MTFR1: variants seen among roughly 807,000 people sequenced by gnomAD.
MTFR1 encodes chondrocyte protein with a poly-proline region.
Under a neutral mutation model 38.8 loss-of-function variants are expected in MTFR1, and 28 were observed. The observed-to-expected ratio is 0.72, with a 90% CI of 0.53 to 0.99. The LOEUF is 0.99. Ranked by LOEUF, MTFR1 falls within the 50% of genes least tolerant of loss-of-function variation. MTFR1 has a pLI of 0.00. For synonymous variants in MTFR1, 145 were observed against 137.0 expected, an observed-to-expected ratio of 1.06 and a Z score of -0.41; for missense variants, 358 against 395.5, an observed-to-expected ratio of 0.91 and a Z score of 0.81.
intron 1 of MTFR1, among the ~76,000 whole-genome samples, chr8:65,662,124 T>C (rs1409596534): frequency 6.9e-6 from 1 of 144,680 alleles, no homozygotes; most frequent in Non-Finnish European, 1.5e-5. Flanking sequence ...TCCCTCTCTT[T>C]CCACGGTCTC....
At chr8:65,675,984 A>G (rs1410366337) in intron 2 of MTFR1, among the ~76,000 whole-genome samples, 1 of 152,256 alleles carries the variant, frequency 6.6e-6, no homozygotes, top group Non-Finnish European at 1.5e-5. Flanking sequence ...AAAAGTTACT[A>G]TAGCAAGTAT....
intron 1 of MTFR1, among the ~76,000 whole-genome samples, chr8:65,649,795 C>A (rs1010567508): frequency 1.6e-4 from 25 of 151,758 alleles, no homozygotes; most frequent in African/African-American, 5.3e-4. Context: ...TCCCCCCACC[C>A]CCCCACACTG....
chr8:65,772,729 T>C (rs1168280686), downstream of MTFR1, among the ~76,000 whole-genome samples: 2 of 152,088 alleles, frequency 1.3e-5, no homozygotes, highest in Non-Finnish European at 2.9e-5. Context: ...ACTGGCCAGG[T>C]GCGGTGGTTC....
intron 3 of MTFR1, chr8:65,747,786 C>A (rs2128906873): frequency 6.2e-7 from 1 of 1,605,688 alleles, no homozygotes; most frequent in South Asian, 1.1e-5. Context: ...GAGACAGACA[C>A]TTCAATTTCA....
chr8:65,740,568 T>C (rs924690952), intron 3 of MTFR1, among the ~76,000 whole-genome samples: 4 of 152,014 alleles, frequency 2.6e-5, no homozygotes. Context: ...GCCCGGCTAA[T>C]TTTTTGTATT....
intron 1 of MTFR1, among the ~76,000 whole-genome samples, chr8:65,656,095 C>T (rs141199429): frequency 0.19 from 28,800 of 148,616 alleles, 2,939 homozygotes; most frequent in Middle Eastern, 0.23. Context: ...ACTCAGGAGG[C>T]TGAGGCAGGA....
downstream of MTFR1, chr8:65,710,635 TTTTC>T (rs1805917750): frequency 6.6e-6 from 1 of 152,214 alleles, no homozygotes; most frequent in South Asian, 2.1e-4. Flanking sequence ...TTTAGAATAA[TTTTC>T]TTTCTGCATT....
intron 3 of MTFR1, among the ~76,000 whole-genome samples, chr8:65,756,320 T>C (rs989908413): frequency 6.6e-6 from 1 of 152,232 alleles, no homozygotes; most frequent in Admixed American, 6.5e-5. Flanking sequence ...TTTGGGAAGT[T>C]TATTTTTTCA....
intron 1 of MTFR1, among the ~76,000 whole-genome samples, chr8:65,665,316 C>T (rs1403930728): frequency 1.3e-5 from 2 of 152,140 alleles, no homozygotes; most frequent in Non-Finnish European, 2.9e-5. Flanking sequence ...GCTTTGACAT[C>T]ATTTTTGGTT....
intron 1 of MTFR1, among the ~76,000 whole-genome samples, chr8:65,655,605 T>G (rs1258551864): frequency 6.6e-6 from 1 of 152,032 alleles, no homozygotes. Context: ...TGGACTGATG[T>G]GAAGGATAGC....
At chr8:65,771,681 C>T (rs1171948743), downstream of MTFR1, among the ~76,000 whole-genome samples, 1 of 151,860 alleles carries the variant, frequency 6.6e-6, no homozygotes, top group Non-Finnish European at 1.5e-5. Context: ...TCGAGACCAG[C>T]CTGGCCAACA....
At chr8:65,660,018 C>G (rs764366957) in intron 1 of MTFR1, among the ~76,000 whole-genome samples, 2 of 152,040 alleles carry the variant, frequency 1.3e-5, no homozygotes, top group African/African-American at 4.8e-5. Context: ...GGCCGGGCAT[C>G]GTGGCTCACG....
intron 1 of MTFR1, among the ~76,000 whole-genome samples, chr8:65,664,127 T>A (rs1804301925): frequency 6.6e-6 from 1 of 152,180 alleles, no homozygotes; most frequent in African/African-American, 2.4e-5. Flanking sequence ...TGTTAGGCAG[T>A]TTCTATTAAA....
At chr8:65,748,790 T>C (rs558912459) in intron 3 of MTFR1, among the ~76,000 whole-genome samples, 1 of 152,218 alleles carries the variant, frequency 6.6e-6, no homozygotes, top group South Asian at 2.1e-4. Context: ...ATTTAAGGGG[T>C]GCTGGATTAA....
chr8:65,693,530 AC>A, intron 3 of MTFR1, 113 bp from the exon 4 acceptor site: 1 of 723,302 alleles, frequency 1.4e-6, no homozygotes, highest in South Asian at 1.7e-5. Context: ...AGAGTTAGAA[AC>A]CACTCATGTG....
intron 3 of MTFR1, among the ~76,000 whole-genome samples, chr8:65,763,694 C>T (rs1383174205): frequency 6.6e-6 from 1 of 152,180 alleles, no homozygotes; most frequent in East Asian, 1.9e-4. Flanking sequence ...CATAGCTCCT[C>T]AGTCATTAAA....
At chr8:65,772,773 G>A (rs1311270356), downstream of MTFR1, among the ~76,000 whole-genome samples, 2 of 152,166 alleles carry the variant, frequency 1.3e-5, no homozygotes, top group Non-Finnish European at 2.9e-5. Flanking sequence ...GGAGGCCAAG[G>A]CAGGCAGATC....
intron 1 of MTFR1, among the ~76,000 whole-genome samples, chr8:65,669,226 G>A (rs1048299952): frequency 6.6e-6 from 1 of 152,126 alleles, no homozygotes; most frequent in African/African-American, 2.4e-5. Flanking sequence ...TTTGGAGTTG[G>A]GGACATGGAA....
At chr8:65,699,004 A>G (rs1007082211) in intron 4 of MTFR1, among the ~76,000 whole-genome samples, 1 of 152,154 alleles carries the variant, frequency 6.6e-6, no homozygotes, top group Non-Finnish European at 1.5e-5. Flanking sequence ...CTGGGATTAT[A>G]GGTGTGAGCT....
Sources: gnomAD v4.1 joint callset for allele counts (sites outside exome capture counted in the v4.1 genomes callset) on GRCh38, gnomAD v4.1.1 for gene constraint, MANE v1.5 for transcripts, NCBI Gene and HGNC (gene_info 2026-07-23, HGNC 2026-07-21) for gene names.